The following TESPA1 variants were observed in gnomAD, a reference collection of about 807,000 sequenced individuals.
The protein encoded by TESPA1 is protein TESPA1.
A neutral mutation model predicts 57.9 loss-of-function variants in TESPA1; 33 were observed. The observed-to-expected ratio is 0.57, with a 90% CI of 0.43 to 0.76. TESPA1 has a LOEUF of 0.76. Ranked by LOEUF, TESPA1 falls within the 30% of genes least tolerant of loss-of-function variation. The pLI is 0.00. For missense variants in TESPA1, 618 were observed against 632.9 expected (o/e 0.98, Z 0.25); for synonymous variants, 227 against 228.9 (o/e 0.99, Z 0.07).
chr12:54,969,858 T>G (rs545844059), intron 3 of TESPA1, among the ~76,000 whole-genome samples: 30 of 152,358 alleles, frequency 2.0e-4, no homozygotes, highest in African/African-American at 7.2e-4. Context: ...GGAATGCTGG[T>G]GATGCTCTGC....
intron 10 of TESPA1, among the ~76,000 whole-genome samples, chr12:54,955,881 A>G (rs567314336): frequency 5.9e-5 from 9 of 152,282 alleles, no homozygotes; most frequent in Non-Finnish European, 1.5e-5. Flanking sequence ...ATGTCCTCCC[A>G]CTATCCCTCC....
intron 2 of TESPA1, 34 bp from the exon 3 acceptor site, chr12:54,973,553 C>A: frequency 2.5e-6 from 4 of 1,613,980 alleles, no homozygotes; most frequent in South Asian, 1.1e-5. Flanking sequence ...ACTGTGAGAA[C>A]TGAACGAAAT....
In TESPA1 at chr12:54,963,153, A is replaced by G. The variant is rs189241882; in HGVS notation, c.745T>C (p.Phe249Leu). The change falls in exon 9 of 11, where the codon TTC becomes CTC. Residue 249 changes from phenylalanine to leucine, a missense_variant. Transcript: ENST00000449076. ...TTCCAGAACATGTGGGATGGTGTGA[A>G]CTTTTGGACAGGTGTCTTAGACACA... ...SYVSKTPVQK[F>L]TPSHMFWNCN... 559 of 1,613,814 alleles carry G rather than the reference A, an allele frequency of 3.5e-4. 4 individuals carry two copies. The African/African-American group carries it at 6.2e-3, about 18-fold the overall frequency.
chr12:54,963,147 G>C lies in TESPA1; in HGVS notation c.751C>G (p.Pro251Ala), dbSNP rs778122771. The change falls in exon 9 of 11, where the codon CCA (proline) becomes GCA (alanine). Residue 251 changes from proline to alanine, a missense_variant. Coordinates refer to ENST00000449076, the MANE Select transcript of TESPA1 (RefSeq NM_001136030.3). ...TTGCAATTCCAGAACATGTGGGATG[G>C]TGTGAACTTTTGGACAGGTGTCTTA... ...VSKTPVQKFT[P>A]SHMFWNCNHP... 1.9e-6 allele frequency: 3 copies of C among 1,613,968 alleles called. No individual in the cohort carries two copies. The South Asian group carries it at 3.3e-5, about 18-fold the overall frequency.
At chr12:54,972,397 A>G (rs939994868) in intron 3 of TESPA1, among the ~76,000 whole-genome samples, 1 of 152,206 alleles carries the variant, frequency 6.6e-6, no homozygotes, top group African/African-American at 2.4e-5. Flanking sequence ...TTGATGACTC[A>G]AGAGTAGTTA....
At chr12:54,975,164 T>C (rs1236063313) in intron 1 of TESPA1, among the ~76,000 whole-genome samples, 1 of 152,146 alleles carries the variant, frequency 6.6e-6, no homozygotes, top group Non-Finnish European at 1.5e-5. Context: ...TGATTTTTTA[T>C]GTTCCTGTTT....
At chr12:54,952,848 T>G (rs1950483689) in intron 10 of TESPA1, among the ~76,000 whole-genome samples, 1 of 152,230 alleles carries the variant, frequency 6.6e-6, no homozygotes, top group Admixed American at 6.5e-5. Context: ...CTATTTTTAC[T>G]TCATTCTTAA....
intron 1 of TESPA1, among the ~76,000 whole-genome samples, chr12:54,979,282 A>G (rs1952232089): frequency 6.6e-6 from 1 of 152,192 alleles, no homozygotes; most frequent in African/African-American, 2.4e-5. Context: ...TCTGGAGTTC[A>G]TCTATCATCT....
intron 10 of TESPA1, among the ~76,000 whole-genome samples, chr12:54,953,613 G>A (rs1250746440): frequency 1.3e-5 from 2 of 148,638 alleles, no homozygotes; most frequent in Non-Finnish European, 3.0e-5. Context: ...CGCCTCCCGG[G>A]TTCACGCCAT....
At chr12:54,975,716 T>TAAAATAAAAA (rs757167565) in intron 1 of TESPA1, among the ~76,000 whole-genome samples, 7 of 151,706 alleles carry the variant, frequency 4.6e-5, no homozygotes, top group African/African-American at 1.7e-4. Context: ...TAAAATAAAA[T>TAAAATAAAAA]AAGAAGACTA....
chr12:54,976,327 A>G (rs1019472521), intron 1 of TESPA1, among the ~76,000 whole-genome samples: 2 of 152,216 alleles, frequency 1.3e-5, no homozygotes. Flanking sequence ...CTGTGATCCA[A>G]AATATTTAAG....
chr12:54,964,417 C>A (rs925715761), intron 7 of TESPA1, among the ~76,000 whole-genome samples: 3 of 152,124 alleles, frequency 2.0e-5, no homozygotes, highest in African/African-American at 7.2e-5. Context: ...GATCTTAGGG[C>A]AAAAAGTAAT....
intron 5 of TESPA1, 62 bp from the exon 6 acceptor site, chr12:54,966,486 G>A (rs1565852749): frequency 6.3e-7 from 1 of 1,579,914 alleles, no homozygotes; most frequent in Non-Finnish European, 8.6e-7. Flanking sequence ...CACCTGTGTT[G>A]CCCCTCTGAA....
intron 1 of TESPA1, among the ~76,000 whole-genome samples, chr12:54,979,954 C>A (rs907749730): frequency 6.6e-6 from 1 of 152,162 alleles, no homozygotes; most frequent in East Asian, 1.9e-4. Flanking sequence ...TAACTTAATC[C>A]TGACAACCAC....
intron 7 of TESPA1, among the ~76,000 whole-genome samples, chr12:54,965,334 G>C (rs1951357315): frequency 6.6e-6 from 1 of 152,020 alleles, no homozygotes. Context: ...TTTCCCAATG[G>C]TCTCCCTCCT....
chr12:54,962,481 G>C lies in TESPA1; in HGVS notation c.1417C>G (p.Leu473Val), dbSNP rs756127001. ...KWKQSVDRPE[L>V]RRSLSQQPQD... ...GGCTGCTGGCTTAAAGACCGACGCA[G>C]TTCTGGTCTGTCTACACTCTGCTTC... Residue 473 changes from leucine (L) to valine (V), a missense_variant, in exon 9 of 11, where the codon CTG becomes GTG. Around this residue, in one of 3 missense-constraint regions of TESPA1, gnomAD observed 409 missense variants for 420.1 expected, o/e 0.97. Transcript: ENST00000449076. 2 of 1,612,854 alleles carry C rather than the reference G, an allele frequency of 1.2e-6. No homozygotes were observed. The highest frequency in any genetic ancestry group is 1.7e-6 in the Non-Finnish European group (2 of 1,179,896).
chr12:54,975,454 CA>C (rs1271235205), intron 1 of TESPA1, among the ~76,000 whole-genome samples: 1 of 152,030 alleles, frequency 6.6e-6, no homozygotes, highest in Non-Finnish European at 1.5e-5. Flanking sequence ...CAAAGAGGAA[CA>C]GAGGGGAAGA....
chr12:54,973,017 C>T (rs779380466), intron 3 of TESPA1, among the ~76,000 whole-genome samples: 18 of 152,190 alleles, frequency 1.2e-4, no homozygotes, highest in Non-Finnish European at 1.9e-4. Flanking sequence ...CTCCAATTCT[C>T]CCCTGCTTTG....
chr12:54,966,783 T>C (rs1951463256), intron 5 of TESPA1, among the ~76,000 whole-genome samples: 2 of 152,198 alleles, frequency 1.3e-5, no homozygotes, highest in African/African-American at 2.4e-5. Context: ...GGTAGGTTGC[T>C]GTGCTTTCAT....
Sources: allele counts gnomAD v4.1 joint callset (sites outside exome capture counted in the v4.1 genomes callset), GRCh38; gene constraint gnomAD v4.1.1; regional missense constraint gnomAD v4.1.1; transcripts MANE v1.5; gene names NCBI Gene and HGNC (gene_info 2026-07-23, HGNC 2026-07-21).